MACF1: variants seen among roughly 807,000 people sequenced by gnomAD.
MACF1 encodes microtubule actin crosslinking factor 1, also known as microtubule-actin cross-linking factor 1.
Under a neutral mutation model 854.8 loss-of-function variants are expected in MACF1, and 193 were observed. The ratio of observed to expected loss-of-function variants is 0.23; its 90% CI spans 0.20 to 0.25. The LOEUF (loss-of-function observed/expected upper bound fraction) is 0.25, where lower values mean the gene tolerates loss of function less well. Ranked by LOEUF, MACF1 falls within the 10% of genes least tolerant of loss-of-function variation. MACF1 has a pLI of 1.00. For synonymous variants in MACF1, 3,185 were observed against 3,226.7 expected (o/e 0.99, Z 0.44); for missense variants, 7,722 against 8,929.1 (o/e 0.86, Z 5.45).
Position 39,409,070 on chromosome 1 carries a change from G to A in MACF1, c.15817-13304G>A, listed in dbSNP as rs1443549637. Among the ~76,000 whole-genome samples the A allele has an allele frequency of 4.0e-5, 6 of 151,730 alleles. No individual in the cohort carries two copies. The highest frequency in any genetic ancestry group is 5.9e-5 in the Non-Finnish European group (4 of 67,866). ...GAAGGGGGAGGAGAGCCGCCCGCCA[G>A]CCGAGCACTTCCAGCGAGCTAGCGA... On this transcript the variant is annotated intron_variant, in intron 58 of 100. Coordinates refer to ENST00000564288, the MANE Select transcript of MACF1 (RefSeq NM_001394062.1). The surrounding 1 kb of genome is among the most constrained non-coding windows in gnomAD (Gnocchi z 4.2).
chr1:39,393,189 AAAAAAAAATATATATATAT>A (rs1642108034), intron 58 of MACF1, among the ~76,000 whole-genome samples: 1 of 104,024 alleles, frequency 9.6e-6, no homozygotes, highest in African/African-American at 4.7e-5. Flanking sequence ...GGTAAAAAAA[AAAAAAAAATATATATATAT>A]ATATATATAT....
Position 39,292,814 on chromosome 1 carries a change from A to G in MACF1, c.1963A>G (p.Lys655Glu). ...FHTSYAETLG[K>E]LETQYCKLKE... ...TACCAGCTATGCTGAAACTCTTGGA[A>G]AGCTGGAGACACAGTATTGTAAATT... The change falls in exon 17 of 101, where the codon AAG becomes GAG. Residue 655 changes from lysine to glutamate, a missense_variant. Coordinates refer to ENST00000564288, the MANE Select transcript of MACF1 (RefSeq NM_001394062.1). 6.2e-7 allele frequency: 1 copy of G among 1,613,362 alleles called. No individual in the cohort carries two copies.
intron 37 of MACF1, 77 bp downstream of exon 37, chr1:39,336,730 G>C: frequency 1.5e-6 from 2 of 1,309,156 alleles, no homozygotes; most frequent in Non-Finnish European, 2.1e-6. Context: ...TGGGTACAGA[G>C]TTTACATATG....
intron 2 of MACF1, among the ~76,000 whole-genome samples, chr1:39,179,987 C>T (rs1644083267): frequency 6.6e-6 from 1 of 151,710 alleles, no homozygotes; most frequent in African/African-American, 2.4e-5. Context: ...TGCACTTCTG[C>T]TTGGGTGACA....
intron 56 of MACF1, among the ~76,000 whole-genome samples, chr1:39,383,801 C>T (rs555467292): frequency 4.6e-5 from 7 of 151,656 alleles, no homozygotes; most frequent in African/African-American, 1.5e-4. Context: ...GGCATGAACT[C>T]GGGAGGCGAA....
Position 39,285,180 on chromosome 1 carries a change from G to T in MACF1, c.1229G>T (p.Arg410Leu), listed in dbSNP as rs532990896. 9 of 1,614,180 alleles carry T rather than the reference G, an allele frequency of 5.6e-6. No homozygotes were observed. The highest frequency in any genetic ancestry group is 6.8e-6 in the Non-Finnish European group (8 of 1,180,030). The change falls in exon 12 of 101, where the codon CGA becomes CTA. Residue 410 changes from arginine to leucine, a missense_variant. Physicochemically the swap from Arg to Leu is moderately radical, Grantham distance 102. Transcript: ENST00000564288. ...WGKLIIEMLEREKSLRPAVER... is the reference protein window; with the variant it reads ...WGKLIIEMLELEKSLRPAVER... ...AAGCTCATCATAGAGATGCTGGAAC[G>T]AGAGAAATCACTTCGGCCGGCTGTG...
intron 58 of MACF1, among the ~76,000 whole-genome samples, chr1:39,416,507 CAG>C (rs541845784): frequency 1.0e-3 from 151 of 148,028 alleles, no homozygotes; most frequent in African/African-American, 3.7e-3. Flanking sequence ...AAAAAAAAAA[CAG>C]AATATCTCCA....
rs946663086 is a variant in MACF1, at chr1:39,129,105, G to T, written c.220+44667G>T. On this transcript the variant is annotated intron_variant, in intron 2 of 93. Transcript: ENST00000361689. The stretch of plus-strand genomic sequence containing the variant: ...TACTTCACACCCTTCTAAAGATCAG[G>T]TGCTTAGAGCCGGAAGCCTAAGGGA... Among the ~76,000 whole-genome samples, 7 of 152,254 alleles carry T rather than the reference G, an allele frequency of 4.6e-5. No homozygotes were observed. The East Asian group carries it at 1.4e-3, about 29-fold the overall frequency.
chr1:39,440,116 T>C (rs866069869), intron 72 of MACF1, among the ~76,000 whole-genome samples: 16 of 115,248 alleles, frequency 1.4e-4, no homozygotes, highest in African/African-American at 4.0e-4. Flanking sequence ...CTTTTCTTTT[T>C]TTTTTTTTTT....
intron 2 of MACF1, among the ~76,000 whole-genome samples, chr1:39,119,696 G>T (rs1265269166): frequency 2.6e-5 from 4 of 151,724 alleles, no homozygotes; most frequent in African/African-American, 9.7e-5. Context: ...CCCTGCTCCT[G>T]GACCTGCCTC....
chr1:39,347,251 G>T (rs1183810829), intron 41 of MACF1, 41 bp downstream of exon 41: 1 of 1,435,618 alleles, frequency 7.0e-7, no homozygotes, highest in East Asian at 2.3e-5. Flanking sequence ...TGTCTTTGGG[G>T]ATGTCCTCTG....
At chr1:39,364,396 T>C (rs1369942756) in intron 49 of MACF1, among the ~76,000 whole-genome samples, 1 of 151,906 alleles carries the variant, frequency 6.6e-6, no homozygotes, top group Non-Finnish European at 1.5e-5. Context: ...AGAGTTCTTA[T>C]ATATTAGAGA....
chr1:39,279,531 C>G (rs1272923547), intron 6 of MACF1, among the ~76,000 whole-genome samples: 1 of 152,050 alleles, frequency 6.6e-6, no homozygotes, highest in African/African-American at 2.4e-5. Flanking sequence ...CTACTACTTT[C>G]ATGGTACTGC....
chr1:39,414,381 C>A, intron 58 of MACF1: 5 of 1,613,968 alleles, frequency 3.1e-6, no homozygotes, highest in Non-Finnish European at 4.2e-6. Flanking sequence ...TCAAGGAGGA[C>A]CTTGATTCCC....
intron 58 of MACF1, among the ~76,000 whole-genome samples, chr1:39,397,066 G>A (rs1232392871): frequency 1.3e-5 from 2 of 152,160 alleles, no homozygotes. Context: ...GTTCATGGAT[G>A]GAGGTTAAAA....
intron 2 of MACF1, among the ~76,000 whole-genome samples, chr1:39,107,531 C>G (rs989932155): frequency 6.6e-6 from 1 of 152,158 alleles, no homozygotes; most frequent in Non-Finnish European, 1.5e-5. Flanking sequence ...AACAATCTCT[C>G]TTCCCCCCAC....
chr1:39,232,280 C>A (rs1483181145), intron 2 of MACF1, among the ~76,000 whole-genome samples: 1 of 151,824 alleles, frequency 6.6e-6, no homozygotes, highest in Non-Finnish European at 1.5e-5. Flanking sequence ...ATAATTAGTG[C>A]TTCTCTGGGA....
In MACF1 at chr1:39,327,280, A is replaced by G; in HGVS notation, c.4541A>G (p.His1514Arg). The G allele has an allele frequency of 1.9e-6, 3 of 1,608,500 alleles. No individual in the cohort carries two copies. The highest frequency in any genetic ancestry group is 2.6e-6 in the Non-Finnish European group (3 of 1,175,396). Residue 1514 changes from histidine (H) to arginine (R), a missense_variant, in exon 36 of 101, where the codon CAT (histidine) becomes CGT (arginine). Coordinates refer to ENST00000564288, the MANE Select transcript of MACF1 (RefSeq NM_001394062.1). The part of the protein sequence containing the change: ...EQLNALNKAY[H>R]DLCDGSANQL... ...TTGAATGCCCTAAACAAGGCTTACC[A>G]TGACCTTTGTGATGGTTCTGCAAAT... is the stretch of plus-strand genomic sequence containing the variant.
At chr1:39,265,357 G>T (rs937928104) in intron 6 of MACF1, among the ~76,000 whole-genome samples, 2 of 152,098 alleles carry the variant, frequency 1.3e-5, no homozygotes, top group African/African-American at 2.4e-5. Flanking sequence ...AAAGGAGAAG[G>T]CATAAAGAAT....
Sources: gnomAD v4.1 joint callset for allele counts (sites outside exome capture counted in the v4.1 genomes callset) on GRCh38, gnomAD v4.1.1 for gene constraint, Gnocchi (gnomAD v3.1) non-coding constraint, MANE v1.5 for transcripts, NCBI Gene and HGNC (gene_info 2026-07-23, HGNC 2026-07-21) for gene names.